Variants in TNRC6C observed in about 807,000 individuals in gnomAD.
TNRC6C encodes trinucleotide repeat-containing gene 6C protein.
A neutral mutation model predicts 153.7 loss-of-function variants in TNRC6C; 20 were observed. The ratio of observed to expected loss-of-function variants is 0.13; its 90% CI spans 0.09 to 0.19. The LOEUF (loss-of-function observed/expected upper bound fraction) is 0.19, where lower values mean the gene tolerates loss of function less well. Ranked by LOEUF, TNRC6C falls within the 10% of genes least tolerant of loss-of-function variation. The pLI is 1.00. For missense variants in TNRC6C, 1,987 were observed against 2,172.0 expected (o/e 0.91, Z 1.69); for synonymous variants, 811 against 841.4 (o/e 0.96, Z 0.63).
chr17:78,091,482 C>T (rs1421813184), exon 14 of TNRC6C: 1 of 1,607,974 alleles, frequency 6.2e-7, no homozygotes, highest in Admixed American at 1.7e-5. Flanking sequence ...ATGGACATGA[C>T]CGGTGGCTTG....
exon 20 of TNRC6C, chr17:78,108,146 G>C (rs2073737455): frequency 6.6e-6 from 1 of 152,274 alleles, no homozygotes; most frequent in African/African-American, 2.4e-5. Flanking sequence ...ACTAAGCAAG[G>C]ATCTTTTTTC....
chr17:77,967,045 G>A (rs1166848589), intron 1 of TNRC6C, among the ~76,000 whole-genome samples: 1 of 152,142 alleles, frequency 6.6e-6, no homozygotes, highest in Non-Finnish European at 1.5e-5. Flanking sequence ...TTTTACTCCT[G>A]TAGAGTGGGG....
chr17:78,067,722 T>C, intron 4 of TNRC6C, 35 bp from the exon 7 acceptor site: 2 of 1,568,230 alleles, frequency 1.3e-6, no homozygotes, highest in Non-Finnish European at 1.7e-6. Context: ...GTTAGGGACA[T>C]GAATTTGATA....
At chr17:78,030,325 C>CGT (rs60964524) in intron 1 of TNRC6C, among the ~76,000 whole-genome samples, 41,629 of 149,784 alleles carry the variant, frequency 0.28, 6,277 homozygotes, top group East Asian at 0.38. Flanking sequence ...TGTGTGTGTG[C>CGT]GTGTGTGTGT....
At chr17:78,092,186 A>G (rs2073406401) in intron 14 of TNRC6C, among the ~76,000 whole-genome samples, 1 of 152,232 alleles carries the variant, frequency 6.6e-6, no homozygotes, top group Non-Finnish European at 1.5e-5. Flanking sequence ...AATAAACAGC[A>G]AAGGAAATTC....
chr17:78,053,199 G>C (rs2072573316), intron 3 of TNRC6C, among the ~76,000 whole-genome samples: 1 of 152,186 alleles, frequency 6.6e-6, no homozygotes, highest in Non-Finnish European at 1.5e-5. Context: ...TACGTTAACT[G>C]ACTGGTTCCT....
At chr17:78,072,043 A>G (rs988167973) in intron 6 of TNRC6C, among the ~76,000 whole-genome samples, 1 of 152,176 alleles carries the variant, frequency 6.6e-6, no homozygotes, top group Non-Finnish European at 1.5e-5. Flanking sequence ...CCTTATTCAA[A>G]TTAGTGTTTA....
At chr17:77,981,825 A>G (rs909233892) in intron 1 of TNRC6C, among the ~76,000 whole-genome samples, 2 of 152,242 alleles carry the variant, frequency 1.3e-5, no homozygotes, top group Non-Finnish European at 2.9e-5. Context: ...AGAATTGAGT[A>G]GCTGCTACAG....
chr17:77,960,890 A>G (rs2070856395), intron 1 of TNRC6C, among the ~76,000 whole-genome samples: 1 of 152,210 alleles, frequency 6.6e-6, no homozygotes, highest in South Asian at 2.1e-4. Context: ...AACTTTACCT[A>G]TACTGAAAGT....
At chr17:78,038,117 A>C (rs1028149578) in intron 2 of TNRC6C, among the ~76,000 whole-genome samples, 7 of 152,264 alleles carry the variant, frequency 4.6e-5, no homozygotes, top group African/African-American at 1.7e-4. Flanking sequence ...AGTATTTTCT[A>C]AATCTTGGGA....
chr17:78,043,747 C>T (rs1474733320), intron 2 of TNRC6C, among the ~76,000 whole-genome samples: 1 of 152,116 alleles, frequency 6.6e-6, no homozygotes, highest in African/African-American at 2.4e-5. Context: ...CACTACCCTT[C>T]CTAGCCTCTA....
rs146311710 is a variant in TNRC6C at position 78,007,081 on chromosome 17, G to A, written c.-546+2002G>A. ...TGGTCTCGAACTCCTGACCTCAAATGATTCCCCCCCACCTCGGCCTGCCAA... is the reference window on the plus strand; with the variant it reads ...TGGTCTCGAACTCCTGACCTCAAATAATTCCCCCCCACCTCGGCCTGCCAA... On this transcript the variant is annotated intron_variant, in intron 1 of 19. Transcript: ENST00000301624. 8.7e-3 allele frequency among the ~76,000 whole-genome samples: 1,314 copies of A among 151,742 alleles called. 13 individuals are homozygous for A. Among genetic ancestry groups the A allele is most frequent in the South Asian group, 0.038 (184 of 4,796 alleles).
intron 9 of TNRC6C, 136 bp downstream of exon 11, chr17:78,077,470 T>A: frequency 8.7e-7 from 1 of 1,155,510 alleles, no homozygotes; most frequent in Non-Finnish European, 1.2e-6. Context: ...GTTGAAATAC[T>A]ACCAGGATTT....
chr17:78,054,011 T>C (rs573946726), intron 3 of TNRC6C, among the ~76,000 whole-genome samples: 1 of 152,332 alleles, frequency 6.6e-6, no homozygotes, highest in Middle Eastern at 3.4e-3. Flanking sequence ...TAAACCTAGA[T>C]GGCATAGCCT....
intron 13 of TNRC6C, among the ~76,000 whole-genome samples, chr17:78,088,594 A>C (rs560391332): frequency 2.0e-5 from 3 of 151,712 alleles, no homozygotes; most frequent in Non-Finnish European, 2.9e-5. Flanking sequence ...AAATGAGCTA[A>C]TATGTAAAGT....
chr17:78,074,913 G>A lies in TNRC6C; in HGVS notation c.2918-223G>A, dbSNP rs561917576. Among the ~76,000 whole-genome samples, 9 of 152,322 alleles carry A rather than the reference G, an allele frequency of 5.9e-5. No individual in the cohort carries two copies. The South Asian group carries it at 1.0e-3, about 18-fold the overall frequency. ...CCAGATCACAGACTGCAGGAGCCACGGAAGGGTGCCTGGGGCCAACCCCCA... is the reference window on the plus strand; with the variant it reads ...CCAGATCACAGACTGCAGGAGCCACAGAAGGGTGCCTGGGGCCAACCCCCA... On this transcript the variant is annotated intron_variant, in intron 7 of 19. Coordinates refer to ENST00000301624, the Ensembl canonical transcript of TNRC6C.
chr17:78,081,645 CAG>C (rs963417119), intron 10 of TNRC6C, among the ~76,000 whole-genome samples: 6 of 152,168 alleles, frequency 3.9e-5, no homozygotes, highest in African/African-American at 1.2e-4. Context: ...TTCCCAGGAA[CAG>C]GGGAAAAGGC....
At position 78,047,018 on chromosome 17, in the gene TNRC6C, T is replaced by C. The variant is rs140982111; in HGVS notation, c.-218-1827T>C. Among the ~76,000 whole-genome samples the C allele has an allele frequency of 2.7e-3, 415 of 151,766 alleles. 1 individual carries two copies. The highest frequency in any genetic ancestry group is 8.4e-3 in the African/African-American group (349 of 41,380). On this transcript the variant is annotated intron_variant, in intron 2 of 19. Coordinates refer to ENST00000301624, the Ensembl canonical transcript of TNRC6C. ...ACCTCACATATGGAAAAGAATGCAT[T>C]GGTCAGCCAGGTTGTTAACCCCCTG...
At chr17:77,972,480 C>T (rs2070947085) in intron 1 of TNRC6C, among the ~76,000 whole-genome samples, 1 of 151,058 alleles carries the variant, frequency 6.6e-6, no homozygotes, top group Non-Finnish European at 1.5e-5. Context: ...CCACTGCACT[C>T]CAGCCTGGAA....
Sources: allele counts gnomAD v4.1 joint callset (sites outside exome capture counted in the v4.1 genomes callset), GRCh38; gene constraint gnomAD v4.1.1; transcripts MANE v1.5; gene names NCBI Gene and HGNC (gene_info 2026-07-23, HGNC 2026-07-21).